Variants in NTSR1 observed in about 807,000 individuals in gnomAD.
The protein encoded by NTSR1 is neurotensin receptor 1, also known as neurotensin receptor type 1.
In NTSR1, 29 loss-of-function variants were observed where a neutral mutation model predicts 31.2. The ratio of observed to expected loss-of-function variants is 0.93; its 90% CI spans 0.69 to 1.27. NTSR1 has a LOEUF of 1.27. NTSR1 is among the 50% of genes most tolerant of loss of function. The probability of loss-of-function intolerance (pLI) is 0.00; values close to 1 mark genes in which losing one functional copy is unlikely to be tolerated. For synonymous variants in NTSR1, 282 were observed against 269.9 expected, an observed-to-expected ratio of 1.04 and a Z score of -0.44; for missense variants, 697 against 595.4, an observed-to-expected ratio of 1.17 and a Z score of -1.78.
At position 62,708,896 on chromosome 20, in the gene NTSR1, C is replaced by G; in HGVS notation, c.-312C>G. On this transcript the variant is annotated 5_prime_UTR_variant, in exon 1 of 4. Transcript: ENST00000370501. The surrounding 1 kb of genome is among the most constrained non-coding windows in gnomAD (Gnocchi z 5.9). ...CGCTGTCCTCGGGGGCCTGGGGAAC[C>G]GCGCGGTTTGGAGATCGGAGGCACC... is the stretch of plus-strand genomic sequence containing the variant. 3.1e-6 allele frequency: 1 copy of G among 324,298 alleles called. No individual in the cohort carries two copies. Among genetic ancestry groups the G allele is most frequent in the Non-Finnish European group, 5.6e-6 (1 of 179,530 alleles). The allele number at this position is 324,298 out of a possible 1,614,324, so 20.1% of individuals were successfully genotyped here.
chr20:62,750,723 T>C (rs2147146382), intron 1 of NTSR1, among the ~76,000 whole-genome samples: 1 of 150,252 alleles, frequency 6.7e-6, no homozygotes, highest in Middle Eastern at 3.5e-3. Context: ...CAATACTGCA[T>C]TGCACACTCA....
chr20:62,749,843 G>A (rs981113174), intron 1 of NTSR1, among the ~76,000 whole-genome samples: 3 of 152,192 alleles, frequency 2.0e-5, no homozygotes, highest in African/African-American at 7.2e-5. Flanking sequence ...TGCACTGTTG[G>A]TGGGAATGTA....
At chr20:62,757,805 C>T (rs561353063) in intron 2 of NTSR1, among the ~76,000 whole-genome samples, 1 of 152,206 alleles carries the variant, frequency 6.6e-6, no homozygotes, top group South Asian at 2.1e-4. Context: ...CCTCTCTGAG[C>T]CTGTGTCCTG....
chr20:62,757,110 T>C (rs905866724), intron 2 of NTSR1, among the ~76,000 whole-genome samples: 1 of 152,240 alleles, frequency 6.6e-6, no homozygotes, highest in Non-Finnish European at 1.5e-5. Flanking sequence ...CTTTTTTCTT[T>C]TGTGGCCTGT....
chr20:62,723,292 C>T (rs77567777), intron 1 of NTSR1, among the ~76,000 whole-genome samples: 7,912 of 152,232 alleles, frequency 0.052, 217 homozygotes, highest in Non-Finnish European at 0.061. Context: ...TCACAACAGC[C>T]GTGGGATGCT....
Position 62,708,977 on chromosome 20 carries a change from G to A in NTSR1, c.-231G>A. ...ACAGCCCGAGGAACCACGGGTTCTGGAGCTAGGAGCCGGAAGCTGGGAGTC... is the reference window on the plus strand; with the variant it reads ...ACAGCCCGAGGAACCACGGGTTCTGAAGCTAGGAGCCGGAAGCTGGGAGTC... On this transcript the variant is annotated 5_prime_UTR_variant, in exon 1 of 4. Transcript: ENST00000370501. The surrounding 1 kb of genome is among the most constrained non-coding windows in gnomAD (Gnocchi z 5.9). The A allele has an allele frequency of 4.6e-6, 2 of 434,394 alleles. No individual in the cohort carries two copies. The highest frequency in any genetic ancestry group is 2.1e-5 in the African/African-American group (1 of 48,434). 26.9% of individuals were successfully genotyped at this position (434,394 alleles called of 1,614,324 possible). A position where few individuals can be genotyped will look rare whatever the true frequency, so the allele number is the denominator to read the frequency against.
chr20:62,753,386 G>A (rs1373962847), intron 1 of NTSR1, among the ~76,000 whole-genome samples: 1 of 152,214 alleles, frequency 6.6e-6, no homozygotes, highest in Non-Finnish European at 1.5e-5. Flanking sequence ...TTGAGGCCAT[G>A]TGGCTCTGCC....
chr20:62,741,618 G>A lies in NTSR1; in HGVS notation c.715-13067G>A, dbSNP rs887756263. 4.0e-5 allele frequency among the ~76,000 whole-genome samples: 6 copies of A among 149,670 alleles called. No homozygotes were observed. The highest frequency in any genetic ancestry group is 8.8e-5 in the Non-Finnish European group (6 of 68,010). On this transcript the variant is annotated intron_variant, in intron 1 of 3. Coordinates refer to ENST00000370501, the MANE Select transcript of NTSR1 (RefSeq NM_002531.3). The surrounding 1 kb of genome is among the most constrained non-coding windows in gnomAD (Gnocchi z 4.3). ...ACCCCTGAGGCTCCCTGGGGCTCTG[G>A]CATTCTCTTGAGCCTTTCCCAGAAA...
chr20:62,742,023 A>G lies in NTSR1; in HGVS notation c.715-12662A>G, dbSNP rs1456280288. The stretch of plus-strand genomic sequence containing the variant: ...ACAGAGTATGTGTAGACCCCAGGAC[A>G]GTCGATGTCAGCTAGAAAGTGAAGG... On this transcript the variant is annotated intron_variant, in intron 1 of 3. Coordinates refer to ENST00000370501, the MANE Select transcript of NTSR1 (RefSeq NM_002531.3). This position sits in a 1 kb window ranked among gnomAD's most constrained non-coding sequence, Gnocchi z 7.1. Among the ~76,000 whole-genome samples the G allele has an allele frequency of 2.0e-5, 3 of 149,616 alleles. No individual in the cohort carries two copies. Among genetic ancestry groups the G allele is most frequent in the East Asian group, 4.5e-4 (2 of 4,438 alleles).
At position 62,756,759 on chromosome 20, in the gene NTSR1, C is replaced by T. The variant is rs1338957743; in HGVS notation, c.917-1507C>T. 2.0e-5 allele frequency: 3 copies of T among 152,238 alleles called. 1 individual carries two copies. The highest frequency in any genetic ancestry group is 4.4e-5 in the Non-Finnish European group (3 of 68,046). The allele number at this position is 152,238 out of a possible 1,614,324, so 9.4% of individuals were successfully genotyped here. A position where few individuals can be genotyped will look rare whatever the true frequency, so the allele number is the denominator to read the frequency against. ...AGGTGTGTCCTGGTCCCAGTGTGTG[C>T]CTGTTGTTTTAATAGTAGCCATCCT... On this transcript the variant is annotated intron_variant, in intron 2 of 3. Transcript: ENST00000370501.
chr20:62,743,983 G>A lies in NTSR1; in HGVS notation c.715-10702G>A, dbSNP rs1314303147. Among the ~76,000 whole-genome samples, 1 of 152,108 alleles carries A rather than the reference G, an allele frequency of 6.6e-6. No individual in the cohort carries two copies. Among genetic ancestry groups the A allele is most frequent in the Non-Finnish European group, 1.5e-5 (1 of 68,016 alleles). The stretch of plus-strand genomic sequence containing the variant: ...AGCTCAGACCAACCACCCAGAGGCT[G>A]CGCCCCGGTCCAGATCCCCCTAACA... On this transcript the variant is annotated intron_variant, in intron 1 of 3. Transcript: ENST00000370501. This position sits in a 1 kb window ranked among gnomAD's most constrained non-coding sequence, Gnocchi z 7.5.
intron 1 of NTSR1, among the ~76,000 whole-genome samples, chr20:62,740,743 C>T (rs563739964): frequency 6.6e-6 from 1 of 152,244 alleles, no homozygotes; most frequent in Non-Finnish European, 1.5e-5. Context: ...CACTGCTCTG[C>T]GCAGCCTCCT....
At chr20:62,718,155 C>T (rs1389988518) in intron 1 of NTSR1, among the ~76,000 whole-genome samples, 1 of 152,178 alleles carries the variant, frequency 6.6e-6, no homozygotes, top group Non-Finnish European at 1.5e-5. Context: ...GATCATGCCT[C>T]GTAGACCTCG....
At position 62,718,839 on chromosome 20, in the gene NTSR1, T is replaced by C. The variant is rs542245422; in HGVS notation, c.714+8918T>C. Among the ~76,000 whole-genome samples the C allele has an allele frequency of 2.5e-3, 375 of 152,352 alleles. 1 individual carries two copies. The highest frequency in any genetic ancestry group is 8.5e-3 in the African/African-American group (355 of 41,566). On this transcript the variant is annotated intron_variant, in intron 1 of 3. Coordinates refer to ENST00000370501, the MANE Select transcript of NTSR1 (RefSeq NM_002531.3). Reference sequence around the variant, plus strand: ...AGTAGCTACAAATATTCACATATGATGAATTTTGTGTGAATATACATTTTC... The same window carrying C: ...AGTAGCTACAAATATTCACATATGACGAATTTTGTGTGAATATACATTTTC...
At position 62,709,380 on chromosome 20, in the gene NTSR1, C is replaced by T. The variant is rs34257083; in HGVS notation, c.173C>T (p.Thr58Ile). 5,151 of 1,609,036 alleles carry T rather than the reference C, an allele frequency of 3.2e-3. 16 individuals are homozygous for T. The highest frequency in any genetic ancestry group is 3.4e-3 in the Non-Finnish European group (4,014 of 1,177,192). ...AAPSSELDVN[T>I]DIYSKVLVTA... The stretch of plus-strand genomic sequence containing the variant: ...CCCAGCAGCGAGCTGGACGTGAACA[C>T]CGACATCTACTCCAAGGTGCTGGTG... The change falls in exon 1 of 4, where the codon ACC becomes ATC. Residue 58 changes from threonine (T) to isoleucine (I), a missense_variant. By Grantham distance (89) the Thr-to-Ile change is moderately conservative. Transcript: ENST00000370501.
At chr20:62,740,629 C>T (rs969742256) in intron 1 of NTSR1, among the ~76,000 whole-genome samples, 5 of 152,206 alleles carry the variant, frequency 3.3e-5, no homozygotes, top group African/African-American at 1.2e-4. Context: ...GCCACGGTTT[C>T]CTCATCTGAG....
chr20:62,719,060 T>C (rs1988785026), intron 1 of NTSR1, among the ~76,000 whole-genome samples: 1 of 151,170 alleles, frequency 6.6e-6, no homozygotes, highest in Non-Finnish European at 1.5e-5. Flanking sequence ...TCCAGTATGA[T>C]GGTGAATAGG....
chr20:62,729,909 C>T (rs960881062), intron 1 of NTSR1, among the ~76,000 whole-genome samples: 5 of 152,156 alleles, frequency 3.3e-5, no homozygotes, highest in African/African-American at 1.2e-4. Flanking sequence ...AGGCCTGAGC[C>T]ACCATGCCTG....
chr20:62,747,317 CT>C (rs1989317249), intron 1 of NTSR1, among the ~76,000 whole-genome samples: 1 of 146,116 alleles, frequency 6.8e-6, no homozygotes, highest in Non-Finnish European at 1.5e-5. Flanking sequence ...AGACCCACAG[CT>C]AACACCACAC....
Sources: allele counts gnomAD v4.1 joint callset (sites outside exome capture counted in the v4.1 genomes callset), GRCh38; gene constraint gnomAD v4.1.1; non-coding constraint Gnocchi (gnomAD v3.1); transcripts MANE v1.5; gene names NCBI Gene and HGNC (gene_info 2026-07-23, HGNC 2026-07-21).